PRLR: variants seen among roughly 807,000 people sequenced by gnomAD.
PRLR encodes the protein hPRL receptor.
Under a neutral mutation model 40.2 loss-of-function variants are expected in PRLR, and 13 were observed. The ratio of observed to expected loss-of-function variants is 0.32; its 90% CI spans 0.21 to 0.51. The LOEUF is 0.51. PRLR is among the 20% of genes least tolerant of loss of function. PRLR has a pLI of 0.97. For synonymous variants in PRLR, 269 were observed against 278.7 expected (o/e 0.97, Z 0.35); for missense variants, 656 against 747.3 (o/e 0.88, Z 1.42).
intron 2 of PRLR, among the ~76,000 whole-genome samples, chr5:35,109,832 G>A (rs1772532676): frequency 2.6e-5 from 4 of 152,100 alleles, no homozygotes; most frequent in South Asian, 2.1e-4. Flanking sequence ...ATCTAGAACT[G>A]GAAATACCGT....
intron 1 of PRLR, among the ~76,000 whole-genome samples, chr5:35,212,084 C>T (rs4703512): frequency 0.029 from 4,431 of 152,284 alleles, 86 homozygotes; most frequent in Middle Eastern, 0.071. Context: ...GTCTAGAACA[C>T]ATTAGGAACA....
intron 5 of PRLR, among the ~76,000 whole-genome samples, chr5:35,080,266 G>A (rs1017388977): frequency 3.3e-5 from 5 of 152,094 alleles, no homozygotes; most frequent in Non-Finnish European, 7.4e-5. Flanking sequence ...TACAGAATGG[G>A]AGAAAATTTT....
At chr5:35,172,218 T>C (rs559328251) in intron 1 of PRLR, among the ~76,000 whole-genome samples, 2 of 152,336 alleles carry the variant, frequency 1.3e-5, no homozygotes, top group East Asian at 3.9e-4. Flanking sequence ...GACAGGGCCG[T>C]GAGCTGGAAG....
chr5:35,048,901 G>A lies in PRLR; in HGVS notation c.*386C>T, dbSNP rs183714365. 7.2e-4 allele frequency: 244 copies of A among 337,590 alleles called. 1 individual carries two copies. The highest frequency in any genetic ancestry group is 4.7e-3 in the African/African-American group (218 of 46,688). 20.9% of individuals were successfully genotyped at this position (337,590 alleles called of 1,614,324 possible). On this transcript the variant is annotated 3_prime_UTR_variant, in exon 9 of 9. Transcript: ENST00000231423. Reference sequence around the variant, plus strand: ...CAAAGCTGATTGCAACTAGGGGGTCGAGGGACTGGGGATGGGTAGATATCA... The same window carrying A: ...CAAAGCTGATTGCAACTAGGGGGTCAAGGGACTGGGGATGGGTAGATATCA...
intron 2 of PRLR, among the ~76,000 whole-genome samples, chr5:35,110,288 C>T (rs561442389): frequency 5.9e-5 from 9 of 152,112 alleles, no homozygotes; most frequent in South Asian, 2.1e-4. Flanking sequence ...GGGTGCAGCA[C>T]ACCAACATGG....
At chr5:35,117,531 C>A (rs1426586953) in intron 2 of PRLR, among the ~76,000 whole-genome samples, 1 of 152,154 alleles carries the variant, frequency 6.6e-6, no homozygotes, top group Non-Finnish European at 1.5e-5. Flanking sequence ...GCAGTCCTGG[C>A]AGCCTAGGGT....
intron 2 of PRLR, among the ~76,000 whole-genome samples, chr5:35,109,061 C>T (rs1226006194): frequency 1.3e-5 from 2 of 152,092 alleles, no homozygotes; most frequent in African/African-American, 4.8e-5. Context: ...TAAATAATAC[C>T]ACGCATCTAT....
chr5:35,226,654 G>A (rs560112177), intron 1 of PRLR, among the ~76,000 whole-genome samples: 3 of 152,246 alleles, frequency 2.0e-5, no homozygotes, highest in East Asian at 1.9e-4. Flanking sequence ...TTGAAAATGC[G>A]GGTTTAAGTT....
At chr5:35,077,478 G>A (rs1770188561) in intron 5 of PRLR, among the ~76,000 whole-genome samples, 2 of 152,150 alleles carry the variant, frequency 1.3e-5, no homozygotes, top group African/African-American at 4.8e-5. Context: ...TAATGGTAAA[G>A]GGATCAATTC....
chr5:35,198,107 G>C (rs1238392868), intron 1 of PRLR, among the ~76,000 whole-genome samples: 17 of 152,148 alleles, frequency 1.1e-4, no homozygotes, highest in Admixed American at 6.5e-5. Context: ...CAGCATCCTG[G>C]GCAGCTCCGT....
At chr5:35,182,965 T>C (rs1775330837) in intron 1 of PRLR, among the ~76,000 whole-genome samples, 1 of 152,242 alleles carries the variant, frequency 6.6e-6, no homozygotes, top group Non-Finnish European at 1.5e-5. Context: ...AAACACACTC[T>C]TCTTGTTTAC....
chr5:35,079,793 C>T (rs1183078308), intron 5 of PRLR, among the ~76,000 whole-genome samples: 6 of 152,192 alleles, frequency 3.9e-5, no homozygotes, highest in Non-Finnish European at 7.3e-5. Flanking sequence ...AACTATACTA[C>T]AAGGCTACAG....
chr5:35,223,930 G>A (rs939764045), intron 1 of PRLR, among the ~76,000 whole-genome samples: 3 of 152,152 alleles, frequency 2.0e-5, no homozygotes, highest in Non-Finnish European at 2.9e-5. Context: ...AGCTGGGAAA[G>A]CTCATTATTT....
intron 1 of PRLR, among the ~76,000 whole-genome samples, chr5:35,192,581 C>G (rs1263011651): frequency 6.6e-6 from 1 of 152,326 alleles, no homozygotes; most frequent in Non-Finnish European, 1.5e-5. Context: ...CAGAGGAACA[C>G]AGTCCAGAGC....
At chr5:35,079,914 C>T (rs1770387021) in intron 5 of PRLR, among the ~76,000 whole-genome samples, 1 of 152,060 alleles carries the variant, frequency 6.6e-6, no homozygotes, top group Non-Finnish European at 1.5e-5. Context: ...CTTTGACAAA[C>T]CTGACAAAAA....
At chr5:35,122,387 C>T (rs1157904117) in intron 1 of PRLR, among the ~76,000 whole-genome samples, 1 of 152,184 alleles carries the variant, frequency 6.6e-6, no homozygotes, top group Non-Finnish European at 1.5e-5. Context: ...CTTCCCGATG[C>T]TCTCCCTCCC....
At chr5:35,181,742 G>A (rs1419861982) in intron 1 of PRLR, among the ~76,000 whole-genome samples, 3 of 152,190 alleles carry the variant, frequency 2.0e-5, no homozygotes, top group Admixed American at 6.5e-5. Flanking sequence ...GCTCTTAGGA[G>A]AGAAATACCT....
chr5:35,080,290 TC>T (rs1244687380), intron 5 of PRLR, among the ~76,000 whole-genome samples: 1 of 152,138 alleles, frequency 6.6e-6, no homozygotes. Flanking sequence ...AATCTACCCA[TC>T]TGACAAAGGG....
At chr5:35,106,719 C>T (rs1772281322) in intron 2 of PRLR, among the ~76,000 whole-genome samples, 1 of 152,202 alleles carries the variant, frequency 6.6e-6, no homozygotes, top group Admixed American at 6.5e-5. Flanking sequence ...CACCCAGATT[C>T]ATAAAGCAAG....
Sources: gnomAD v4.1 joint callset for allele counts (sites outside exome capture counted in the v4.1 genomes callset) on GRCh38, gnomAD v4.1.1 for gene constraint, MANE v1.5 for transcripts, NCBI Gene and HGNC (gene_info 2026-07-23, HGNC 2026-07-21) for gene names.